The following CACNA2D1 variants were observed in gnomAD, a reference collection of about 807,000 sequenced individuals.
CACNA2D1 encodes calcium voltage-gated channel auxiliary subunit alpha2delta 1, also known as voltage-dependent calcium channel subunit alpha-2/delta-1.
In CACNA2D1, 53 loss-of-function variants were observed where a neutral mutation model predicts 171.5. The ratio of observed to expected loss-of-function variants is 0.31; its 90% CI spans 0.25 to 0.39. The LOEUF is 0.39. CACNA2D1 is among the 10% of genes least tolerant of loss of function. CACNA2D1 has a pLI of 1.00. For synonymous variants in CACNA2D1, 442 were observed against 443.1 expected, an observed-to-expected ratio of 1.00 and a Z score of 0.03; for missense variants, 903 against 1,299.8, an observed-to-expected ratio of 0.69 and a Z score of 4.69.
intron 6 of CACNA2D1, among the ~76,000 whole-genome samples, chr7:82,109,775 TTAGA>T (rs1788160536): frequency 6.6e-6 from 1 of 152,148 alleles, no homozygotes; most frequent in Non-Finnish European, 1.5e-5. Flanking sequence ...GCATTTCCTA[TTAGA>T]TAGATTCCTT....
chr7:82,132,312 G>T (rs2129071502), intron 5 of CACNA2D1, among the ~76,000 whole-genome samples: 1 of 152,276 alleles, frequency 6.6e-6, no homozygotes. Context: ...GAAGATATGT[G>T]CAGAAACTGC....
rs1456586495 is a variant in CACNA2D1, at chr7:82,423,349, T to C, written c.95+20016A>G. Among the ~76,000 whole-genome samples the C allele has an allele frequency of 5.9e-5, 9 of 152,156 alleles. No individual in the cohort carries two copies. The East Asian group carries it at 1.5e-3, about 26-fold the overall frequency. On this transcript the variant is annotated intron_variant, in intron 1 of 38. Transcript: ENST00000356860. Reference sequence around the variant, plus strand: ...TTTACATACATCTGCTTCTTGACTATATACAAATAATCTCAGAAGCCATCA... The same window carrying C: ...TTTACATACATCTGCTTCTTGACTACATACAAATAATCTCAGAAGCCATCA...
intron 7 of CACNA2D1, among the ~76,000 whole-genome samples, chr7:82,076,788 C>A (rs1488104320): frequency 6.6e-6 from 1 of 152,070 alleles, no homozygotes; most frequent in Non-Finnish European, 1.5e-5. Context: ...CATTAATAAA[C>A]CTTTTGATTC....
intron 4 of CACNA2D1, among the ~76,000 whole-genome samples, chr7:82,162,729 T>C (rs1795074994): frequency 6.6e-6 from 1 of 151,926 alleles, no homozygotes; most frequent in Admixed American, 6.6e-5. Flanking sequence ...CAATATCCAC[T>C]CTCTCAACCC....
At position 82,279,040 on chromosome 7, in the gene CACNA2D1, T is replaced by G. The variant is rs2299165; in HGVS notation, c.294+56095A>C. On this transcript the variant is annotated intron_variant, in intron 3 of 38. Coordinates refer to ENST00000356860, the MANE Select transcript of CACNA2D1 (RefSeq NM_000722.4). Reference sequence around the variant, plus strand: ...TTCCCTCAGCCACCCATCCCAGCATTTCATCCAAGGAAGCTATGCAGAAAA... The same window carrying G: ...TTCCCTCAGCCACCCATCCCAGCATGTCATCCAAGGAAGCTATGCAGAAAA... 1.5e-3 allele frequency among the ~76,000 whole-genome samples: 228 copies of G among 152,296 alleles called. 4 individuals are homozygous for G. In the East Asian group the frequency reaches 0.03, roughly 20 times the overall value.
intron 24 of CACNA2D1, among the ~76,000 whole-genome samples, chr7:81,976,553 T>G (rs1795864224): frequency 6.6e-6 from 1 of 152,196 alleles, no homozygotes; most frequent in East Asian, 1.9e-4. Flanking sequence ...TGTCTATTAT[T>G]GGTGTATAGG....
chr7:82,335,038 A>G (rs2129444323), intron 3 of CACNA2D1, 97 bp downstream of exon 3: 11 of 822,350 alleles, frequency 1.3e-5, no homozygotes, highest in East Asian at 2.4e-5. Context: ...GTTACTAAGA[A>G]GAAGAACGCA....
chr7:82,335,300 G>A, intron 2 of CACNA2D1, 49 bp from the exon 3 acceptor site: 1 of 1,056,358 alleles, frequency 9.5e-7, no homozygotes. Flanking sequence ...TACTTATTTG[G>A]CTTACAAGTT....
intron 1 of CACNA2D1, among the ~76,000 whole-genome samples, chr7:82,368,786 A>G (rs1371157575): frequency 6.6e-6 from 1 of 152,184 alleles, no homozygotes; most frequent in Non-Finnish European, 1.5e-5. Flanking sequence ...CAACTATTCC[A>G]TAAGGAGTCT....
chr7:82,210,155 A>G (rs372912515), intron 3 of CACNA2D1, among the ~76,000 whole-genome samples: 2 of 150,232 alleles, frequency 1.3e-5, no homozygotes, highest in African/African-American at 4.8e-5. Flanking sequence ...TGTTGAATAA[A>G]TGAATTGAGG....
intron 4 of CACNA2D1, among the ~76,000 whole-genome samples, chr7:82,140,467 TG>T (rs1170204182): frequency 6.6e-6 from 1 of 152,166 alleles, no homozygotes; most frequent in Admixed American, 6.5e-5. Flanking sequence ...AAAGCTCACT[TG>T]ATCAATTTTA....
chr7:82,434,239 C>T (rs957780289), intron 1 of CACNA2D1, among the ~76,000 whole-genome samples: 3 of 152,210 alleles, frequency 2.0e-5, no homozygotes, highest in African/African-American at 4.8e-5. Context: ...AGCTCCACTA[C>T]CATTTAAAAA....
chr7:82,041,132 C>T (rs1803918458), intron 10 of CACNA2D1, among the ~76,000 whole-genome samples: 2 of 151,956 alleles, frequency 1.3e-5, no homozygotes, highest in Admixed American at 1.3e-4. Context: ...TGGCTGGATG[C>T]AGAGCTGGAA....
At chr7:82,388,422 T>A (rs1044592080) in intron 1 of CACNA2D1, among the ~76,000 whole-genome samples, 4 of 152,202 alleles carry the variant, frequency 2.6e-5, no homozygotes, top group Admixed American at 2.6e-4. Context: ...CACAAAATTG[T>A]GAAAATAAAT....
intron 34 of CACNA2D1, among the ~76,000 whole-genome samples, chr7:81,962,750 A>G (rs1009557943): frequency 3.3e-5 from 5 of 151,964 alleles, no homozygotes; most frequent in Non-Finnish European, 7.4e-5. Context: ...CCTAACAGGC[A>G]ATGTTATCAA....
chr7:82,084,449 A>C (rs1810202203), intron 7 of CACNA2D1, among the ~76,000 whole-genome samples: 1 of 152,174 alleles, frequency 6.6e-6, no homozygotes, highest in South Asian at 2.1e-4. Context: ...GTGCATGCTG[A>C]GCAGTTGGGC....
chr7:82,301,452 A>G (rs1355863581), intron 3 of CACNA2D1, among the ~76,000 whole-genome samples: 1 of 152,018 alleles, frequency 6.6e-6, no homozygotes, highest in Non-Finnish European at 1.5e-5. Context: ...AGAGTAACCC[A>G]ATGTCTTAGG....
intron 1 of CACNA2D1, among the ~76,000 whole-genome samples, chr7:82,410,678 T>C (rs1563514154): frequency 1.3e-5 from 2 of 152,242 alleles, no homozygotes; most frequent in Non-Finnish European, 2.9e-5. Flanking sequence ...CAACTGCTGC[T>C]AGCAGAGCTC....
chr7:82,266,279 G>C (rs1490077146), intron 3 of CACNA2D1, among the ~76,000 whole-genome samples: 1 of 152,134 alleles, frequency 6.6e-6, no homozygotes, highest in Non-Finnish European at 1.5e-5. Context: ...TTATCAAGTG[G>C]ACAGGCTACT....
Sources: allele counts gnomAD v4.1 joint callset (sites outside exome capture counted in the v4.1 genomes callset), GRCh38; gene constraint gnomAD v4.1.1; transcripts MANE v1.5; gene names NCBI Gene and HGNC (gene_info 2026-07-23, HGNC 2026-07-21).